Variants in TTLL5 observed in about 807,000 individuals in gnomAD.
TTLL5 encodes the protein tubulin polyglutamylase TTLL5.
In TTLL5, 132 loss-of-function variants were observed where a neutral mutation model predicts 168.4. That is an observed-to-expected ratio of 0.78 (90% CI 0.68 to 0.91). TTLL5 has a LOEUF of 0.91. Among genes scored for constraint, TTLL5 ranks in the 40% least tolerant of loss-of-function variants. The pLI, the probability that TTLL5 is intolerant of heterozygous loss-of-function variation, is 0.00. For synonymous variants in TTLL5, 546 were observed against 558.6 expected (o/e 0.98, Z 0.32); for missense variants, 1,545 against 1,581.5 (o/e 0.98, Z 0.39).
intron 9 of TTLL5, among the ~76,000 whole-genome samples, chr14:75,714,527 G>A (rs763044531): frequency 1.3e-4 from 20 of 151,944 alleles, no homozygotes; most frequent in Non-Finnish European, 2.4e-4. Flanking sequence ...TTATCTTCTC[G>A]TTTATTTATT....
chr14:75,839,015 C>T (rs755110865), intron 28 of TTLL5: 4 of 152,974 alleles, frequency 2.6e-5, no homozygotes, highest in Non-Finnish European at 5.8e-5. Context: ...GAGAGGGTGT[C>T]CCCAGAAATG....
At chr14:75,689,040 T>G (rs1284323668) in intron 5 of TTLL5, among the ~76,000 whole-genome samples, 1 of 152,216 alleles carries the variant, frequency 6.6e-6, no homozygotes, top group Non-Finnish European at 1.5e-5. Context: ...ATGACAGAAG[T>G]GATTATCGCT....
rs33959405 is a variant in TTLL5, at chr14:75,743,575, C to CTTTT, written c.1282-1499_1282-1496dup. Among the ~76,000 whole-genome samples, 321 of 63,062 alleles carry CTTTT rather than the reference C, an allele frequency of 5.1e-3. 16 individuals carry two copies. The highest frequency in any genetic ancestry group is 0.023 in the Middle Eastern group (1 of 44). The allele number at this position is 63,062 out of a possible 152,430, so 41.4% of individuals were successfully genotyped here. On this transcript the variant is annotated intron_variant, in intron 15 of 31. Coordinates refer to ENST00000298832, the MANE Select transcript of TTLL5 (RefSeq NM_015072.5). ...TGAGATCAAACTCTCTGGCATCGCT[C>CTTTT]TTTTTTTTTTTTTTTTTTTTTTTTG...
intron 28 of TTLL5, among the ~76,000 whole-genome samples, chr14:75,862,229 C>A (rs985085288): frequency 6.6e-5 from 10 of 152,186 alleles, no homozygotes; most frequent in Admixed American, 3.9e-4. Flanking sequence ...TATGTAGATT[C>A]ATCTGTTGAT....
chr14:75,759,313 G>A (rs1185970782), intron 18 of TTLL5, among the ~76,000 whole-genome samples: 1 of 152,068 alleles, frequency 6.6e-6, no homozygotes, highest in East Asian at 1.9e-4. Context: ...AAAGTTGGGG[G>A]CAACACCCAA....
At chr14:75,877,180 A>G (rs1164788095) in intron 29 of TTLL5, among the ~76,000 whole-genome samples, 1 of 152,176 alleles carries the variant, frequency 6.6e-6, no homozygotes, top group Non-Finnish European at 1.5e-5. Flanking sequence ...CAAAAAATGA[A>G]TTTACAGAAT....
chr14:75,753,034 C>A, intron 18 of TTLL5, 79 bp downstream of exon 18: 11 of 1,348,062 alleles, frequency 8.2e-6, no homozygotes, highest in South Asian at 1.3e-5. Context: ...GGAAACAGAC[C>A]TTATAAAAGT....
chr14:75,830,182 A>AT lies in TTLL5; in HGVS notation c.3326+10027dup, dbSNP rs1306626907. Among the ~76,000 whole-genome samples the AT allele has an allele frequency of 2.0e-5, 3 of 152,142 alleles. No individual in the cohort carries two copies. In the East Asian group the frequency reaches 5.8e-4, roughly 29 times the overall value. ...TTGGTCACTTGGATAATTAAAACAA[A>AT]TTTTTTCAAGAAGAAGGAAAAGGAT... On this transcript the variant is annotated intron_variant, in intron 28 of 31. Coordinates refer to ENST00000298832, the MANE Select transcript of TTLL5 (RefSeq NM_015072.5).
intron 27 of TTLL5, among the ~76,000 whole-genome samples, chr14:75,811,553 A>G (rs1894031771): frequency 6.6e-6 from 1 of 152,094 alleles, no homozygotes; most frequent in Non-Finnish European, 1.5e-5. Flanking sequence ...TTTGTCTTAC[A>G]ATCTTGTCTG....
chr14:75,789,574 T>C (rs559735476), intron 26 of TTLL5, among the ~76,000 whole-genome samples: 50 of 152,270 alleles, frequency 3.3e-4, no homozygotes, highest in African/African-American at 1.0e-3. Flanking sequence ...AGTCACACTT[T>C]TGCAGCCATC....
chr14:75,791,320 T>C (rs1892711518), intron 26 of TTLL5, among the ~76,000 whole-genome samples: 1 of 152,062 alleles, frequency 6.6e-6, no homozygotes, highest in African/African-American at 2.4e-5. Flanking sequence ...GGAATAGAAA[T>C]ATAAGTTGTG....
intron 27 of TTLL5, among the ~76,000 whole-genome samples, chr14:75,818,108 G>A (rs1361815278): frequency 1.3e-5 from 2 of 151,954 alleles, no homozygotes; most frequent in Admixed American, 6.6e-5. Flanking sequence ...AAAGTGCTGC[G>A]ATTATAGGCG....
chr14:75,708,439 C>A (rs976545730), intron 9 of TTLL5, among the ~76,000 whole-genome samples: 1 of 152,096 alleles, frequency 6.6e-6, no homozygotes, highest in Non-Finnish European at 1.5e-5. Context: ...CATTCTCCTG[C>A]CTCAGCCTCC....
At chr14:75,903,513 A>G (rs1250982447) in intron 31 of TTLL5, among the ~76,000 whole-genome samples, 1 of 152,026 alleles carries the variant, frequency 6.6e-6, no homozygotes, top group Non-Finnish European at 1.5e-5. Context: ...TTGCCCTGAC[A>G]GCAATAAGGA....
At chr14:75,841,642 A>C (rs2139848069) in intron 28 of TTLL5, among the ~76,000 whole-genome samples, 1 of 152,286 alleles carries the variant, frequency 6.6e-6, no homozygotes, top group African/African-American at 2.4e-5. Context: ...CCAGTTCAGG[A>C]CAGTTTACAT....
intron 26 of TTLL5, among the ~76,000 whole-genome samples, chr14:75,786,684 A>G (rs1892382202): frequency 6.6e-6 from 1 of 152,220 alleles, no homozygotes; most frequent in South Asian, 2.1e-4. Context: ...TTAAAGTTAA[A>G]TATACAGCAT....
chr14:75,794,572 C>A (rs1034812142), intron 27 of TTLL5, among the ~76,000 whole-genome samples: 2 of 152,148 alleles, frequency 1.3e-5, no homozygotes, highest in African/African-American at 2.4e-5. Context: ...TCCAAGGTGA[C>A]TGTATCCTGA....
chr14:75,720,664 G>A lies in TTLL5; in HGVS notation c.1003G>A (p.Ala335Thr). The A allele has an allele frequency of 6.2e-7, 1 of 1,613,740 alleles. No homozygotes were observed. Among genetic ancestry groups the A allele is most frequent in the Non-Finnish European group, 8.5e-7 (1 of 1,179,694 alleles). ...IISAELAIAT[A>T]CKTFVPHRSS... The stretch of plus-strand genomic sequence containing the variant: ...CTCTGCTGAACTAGCTATTGCTACT[G>A]CCTGTAAAACCTTTGTTCCTCATCG... The change falls in exon 12 of 32, where the codon GCC becomes ACC. Residue 335 changes from alanine (A) to threonine (T), a missense_variant. By Grantham distance (58) the Ala-to-Thr change is moderately conservative. Coordinates refer to ENST00000298832, the MANE Select transcript of TTLL5 (RefSeq NM_015072.5).
At chr14:75,776,905 C>T (rs557764326) in intron 23 of TTLL5, 55 bp downstream of exon 23, 6 of 1,355,746 alleles carry the variant, frequency 4.4e-6, no homozygotes, top group South Asian at 3.8e-5. Flanking sequence ...CCATAATGCT[C>T]ATTGAGTACC....
Sources: gnomAD v4.1 joint callset for allele counts (sites outside exome capture counted in the v4.1 genomes callset) on GRCh38, gnomAD v4.1.1 for gene constraint, MANE v1.5 for transcripts, NCBI Gene and HGNC (gene_info 2026-07-23, HGNC 2026-07-21) for gene names.